The following TMEM74 variants were observed in gnomAD, a reference collection of about 807,000 sequenced individuals.
TMEM74 encodes the protein transmembrane protein 74.
A neutral mutation model predicts 18.1 loss-of-function variants in TMEM74; 13 were observed. The ratio of observed to expected loss-of-function variants is 0.72; its 90% CI spans 0.47 to 1.14. The LOEUF (loss-of-function observed/expected upper bound fraction) is 1.14, where lower values mean the gene tolerates loss of function less well. Among genes scored for constraint, TMEM74 ranks in the 50% most tolerant of loss-of-function variants. The pLI, the probability that TMEM74 is intolerant of heterozygous loss-of-function variation, is 0.00. For synonymous variants in TMEM74, 159 were observed against 146.6 expected, an observed-to-expected ratio of 1.08 and a Z score of -0.61; for missense variants, 372 against 375.9, an observed-to-expected ratio of 0.99 and a Z score of 0.09.
intron 1 of TMEM74, among the ~76,000 whole-genome samples, chr8:108,771,372 C>T (rs1334340645): frequency 2.0e-5 from 3 of 151,846 alleles, no homozygotes; most frequent in Non-Finnish European, 4.4e-5. Flanking sequence ...TATAGTGTTA[C>T]ATAAATGTTT....
At chr8:108,720,967 C>A (rs143249603) in intron 1 of TMEM74, among the ~76,000 whole-genome samples, 89 of 152,152 alleles carry the variant, frequency 5.8e-4, no homozygotes, top group African/African-American at 2.0e-3. Context: ...TGTGGTTTTA[C>A]CATGTTGGCC....
rs549004941 is a variant in TMEM74, at chr8:108,760,129, C to T, written n.119+27347G>A. 6.7e-5 allele frequency among the ~76,000 whole-genome samples: 10 copies of T among 149,824 alleles called. No homozygotes were observed. The South Asian group carries it at 1.1e-3, about 16-fold the overall frequency. Reference sequence around the variant, plus strand: ...TGGAGGTTGCTGTGAGGCAGGATTGCGCCACTGTTCTGCAGACTGGGAGAG... The same window carrying T: ...TGGAGGTTGCTGTGAGGCAGGATTGTGCCACTGTTCTGCAGACTGGGAGAG... On this transcript the variant is annotated intron_variant and non_coding_transcript_variant, in intron 1 of 3. Coordinates refer to the TMEM74 transcript ENST00000518838.
downstream of TMEM74, among the ~76,000 whole-genome samples, chr8:108,778,695 A>G (rs577823128): frequency 6.6e-6 from 1 of 152,354 alleles, no homozygotes; most frequent in East Asian, 1.9e-4. Flanking sequence ...AAATTGTGAT[A>G]CATTCTTCAA....
chr8:108,626,379 T>A lies in TMEM74; in HGVS notation n.265-17553A>T, dbSNP rs181861722. On this transcript the variant is annotated intron_variant and non_coding_transcript_variant, in intron 2 of 3. Transcript: ENST00000518838. Reference sequence around the variant, plus strand: ...TTCATTAGATTTAATATCATTTTGTTGGCTTACATATGTAACAAAAGCCTA... The same window carrying A: ...TTCATTAGATTTAATATCATTTTGTAGGCTTACATATGTAACAAAAGCCTA... Among the ~76,000 whole-genome samples, 43 of 152,190 alleles carry A rather than the reference T, an allele frequency of 2.8e-4. No individual in the cohort carries two copies. The East Asian group carries it at 8.3e-3, about 29-fold the overall frequency.
chr8:108,727,444 G>C (rs1375858664), intron 1 of TMEM74, among the ~76,000 whole-genome samples: 1 of 152,172 alleles, frequency 6.6e-6, no homozygotes, highest in Non-Finnish European at 1.5e-5. Context: ...ATTAGATGTG[G>C]AATATGATGG....
At chr8:108,666,713 ACATCC>A (rs891801040) in intron 1 of TMEM74, among the ~76,000 whole-genome samples, 4 of 152,168 alleles carry the variant, frequency 2.6e-5, no homozygotes, top group Non-Finnish European at 5.9e-5. Context: ...TAATGTGGTC[ACATCC>A]CATCTCTTGG....
chr8:108,633,704 C>T (rs1194070974), intron 2 of TMEM74, among the ~76,000 whole-genome samples: 7 of 151,906 alleles, frequency 4.6e-5, no homozygotes, highest in Non-Finnish European at 1.0e-4. Context: ...AGCTGGCTCC[C>T]CAGTGAGCAT....
intron 2 of TMEM74, among the ~76,000 whole-genome samples, chr8:108,645,312 G>T (rs1458248490): frequency 6.6e-6 from 1 of 152,000 alleles, no homozygotes. Context: ...GGGTACACGT[G>T]GACACAAAGA....
At chr8:108,671,495 G>T (rs1306655585) in intron 1 of TMEM74, among the ~76,000 whole-genome samples, 4 of 152,310 alleles carry the variant, frequency 2.6e-5, no homozygotes, top group Non-Finnish European at 4.4e-5. Flanking sequence ...TAAGGTTCAT[G>T]CAATATTGAT....
intron 1 of TMEM74, among the ~76,000 whole-genome samples, chr8:108,696,092 C>G (rs531233126): frequency 1.3e-5 from 2 of 152,258 alleles, no homozygotes; most frequent in African/African-American, 4.8e-5. Context: ...TTTCCAATGA[C>G]AAAATGCTTG....
In TMEM74 at chr8:108,629,582, G is replaced by A. The variant is rs114216454; in HGVS notation, n.265-20756C>T. ...GGAAAAATTATTAAGGGCAGCCAGCGAGAAAGGTCAGGTTACCTACAAAGG... is the reference window on the plus strand; with the variant it reads ...GGAAAAATTATTAAGGGCAGCCAGCAAGAAAGGTCAGGTTACCTACAAAGG... On this transcript the variant is annotated intron_variant and non_coding_transcript_variant, in intron 2 of 3. Transcript: ENST00000518838. 5.6e-3 allele frequency among the ~76,000 whole-genome samples: 856 copies of A among 152,150 alleles called. 7 individuals are homozygous for A. The highest frequency in any genetic ancestry group is 0.02 in the African/African-American group (824 of 41,546).
chr8:108,680,285 G>A (rs1331409867), intron 1 of TMEM74, among the ~76,000 whole-genome samples: 28 of 152,186 alleles, frequency 1.8e-4, no homozygotes, highest in African/African-American at 6.0e-4. Flanking sequence ...CTGGCAAACC[G>A]AATCCAGCAG....
intron 1 of TMEM74, among the ~76,000 whole-genome samples, chr8:108,704,344 A>G (rs934884009): frequency 6.6e-5 from 10 of 151,828 alleles, no homozygotes; most frequent in Admixed American, 6.6e-4. Flanking sequence ...TCTCTTTCCT[A>G]TTTCCTGTTT....
chr8:108,683,843 A>T (rs530070689), intron 1 of TMEM74, among the ~76,000 whole-genome samples: 1 of 152,212 alleles, frequency 6.6e-6, no homozygotes, highest in African/African-American at 2.4e-5. Flanking sequence ...TATAGTGAGA[A>T]CATGCAATGT....
intron 2 of TMEM74, among the ~76,000 whole-genome samples, chr8:108,622,548 T>C (rs1202157500): frequency 6.6e-6 from 1 of 152,146 alleles, no homozygotes; most frequent in East Asian, 1.9e-4. Flanking sequence ...GTTGAGTTCC[T>C]GCTCCACTAT....
At chr8:108,667,534 T>C (rs1284846154) in intron 1 of TMEM74, among the ~76,000 whole-genome samples, 1 of 152,162 alleles carries the variant, frequency 6.6e-6, no homozygotes, top group Non-Finnish European at 1.5e-5. Flanking sequence ...TCTGGATTAT[T>C]GTTGTAATAG....
At chr8:108,770,062 A>G (rs1034557321) in intron 1 of TMEM74, among the ~76,000 whole-genome samples, 1 of 151,702 alleles carries the variant, frequency 6.6e-6, no homozygotes, top group Non-Finnish European at 1.5e-5. Flanking sequence ...ATTTTTCATT[A>G]CTTACTTAGT....
Position 108,784,875 on chromosome 8 carries a change from G to A in TMEM74, c.224C>T (p.Thr75Ile), listed in dbSNP as rs902739603. 1 of 1,614,064 alleles carries A rather than the reference G, an allele frequency of 6.2e-7. No homozygotes were observed. The highest frequency in any genetic ancestry group is 1.1e-5 in the South Asian group (1 of 91,086). ...TGGTGGAAAGGCATCTGGCTGAAGAGTACTGTTTTGCAGAGAGGAGGAGGG... is the reference window on the plus strand; with the variant it reads ...TGGTGGAAAGGCATCTGGCTGAAGAATACTGTTTTGCAGAGAGGAGGAGGG... ...ASPSSSLQNS[T>I]LQPDAFPPGL... Residue 75 changes from threonine to isoleucine, a missense_variant, in exon 2 of 2, where the codon ACT (threonine) becomes ATT (isoleucine). By Grantham distance (89) the Thr-to-Ile change is moderately conservative (BLOSUM62 -1). Coordinates refer to ENST00000297459, the MANE Select transcript of TMEM74 (RefSeq NM_153015.3).
chr8:108,671,308 T>A (rs1035445544), intron 1 of TMEM74, among the ~76,000 whole-genome samples: 1 of 152,204 alleles, frequency 6.6e-6, no homozygotes, highest in African/African-American at 2.4e-5. Context: ...TGGTTTTCTA[T>A]GTGGCAAGAC....
Sources: gnomAD v4.1 joint callset for allele counts (sites outside exome capture counted in the v4.1 genomes callset) on GRCh38, gnomAD v4.1.1 for gene constraint, MANE v1.5 for transcripts, NCBI Gene and HGNC (gene_info 2026-07-23, HGNC 2026-07-21) for gene names.